The following GOLPH3 variants were observed in gnomAD, a reference collection of about 807,000 sequenced individuals.
GOLPH3 encodes the protein coat protein GPP34.
GOLPH3 carries 14 observed loss-of-function variants against 28.5 expected under a neutral mutation model. The ratio of observed to expected loss-of-function variants is 0.49; its 90% CI spans 0.32 to 0.77. GOLPH3 has a LOEUF of 0.77. GOLPH3 is among the 30% of genes least tolerant of loss of function. The pLI, the probability that GOLPH3 is intolerant of heterozygous loss-of-function variation, is 0.03. For synonymous variants in GOLPH3, 158 were observed against 159.2 expected (o/e 0.99, Z 0.06); for missense variants, 350 against 393.7 (o/e 0.89, Z 0.94).
At chr5:32,151,257 T>A (rs1017537666) in intron 1 of GOLPH3, among the ~76,000 whole-genome samples, 1 of 151,336 alleles carries the variant, frequency 6.6e-6, no homozygotes, top group Non-Finnish European at 1.5e-5. Flanking sequence ...CCAGGCACAG[T>A]GGCTTACACC....
At chr5:32,136,047 C>T (rs758606728) in intron 2 of GOLPH3, among the ~76,000 whole-genome samples, 7 of 152,008 alleles carry the variant, frequency 4.6e-5, no homozygotes, top group Non-Finnish European at 8.8e-5. Context: ...TGGTGGTGCA[C>T]GCCTGTAATC....
rs1161298677 is a variant in GOLPH3, at chr5:32,143,136, G to C, written c.357+613C>G. 2.6e-5 allele frequency among the ~76,000 whole-genome samples: 4 copies of C among 152,238 alleles called. No individual in the cohort carries two copies. In the East Asian group the frequency reaches 7.7e-4, roughly 29 times the overall value. On this transcript the variant is annotated intron_variant, in intron 2 of 3. Transcript: ENST00000265070. ...AATTCTTCTGCCTTGGGATCCTGTT[G>C]ATCGGTGACCTTAAACCCAACCCTG... is the stretch of plus-strand genomic sequence containing the variant.
chr5:32,170,645 T>C (rs1241306744), intron 1 of GOLPH3, among the ~76,000 whole-genome samples: 1 of 152,102 alleles, frequency 6.6e-6, no homozygotes, highest in East Asian at 1.9e-4. Context: ...GGCTGGTTAT[T>C]AGAGTGTAAA....
chr5:32,148,593 C>A (rs558603472), intron 1 of GOLPH3, among the ~76,000 whole-genome samples: 1 of 152,080 alleles, frequency 6.6e-6, no homozygotes, highest in Non-Finnish European at 1.5e-5. Flanking sequence ...GTCAGGAGAT[C>A]GAGACCATCC....
At position 32,126,193 on chromosome 5, in the gene GOLPH3, T is replaced by A. The variant is rs769789538; in HGVS notation, c.*19A>T. 1.3e-6 allele frequency: 2 copies of A among 1,587,070 alleles called. No homozygotes were observed. The highest frequency in any genetic ancestry group is 1.7e-6 in the Non-Finnish European group (2 of 1,164,118). On this transcript the variant is annotated 3_prime_UTR_variant, in exon 4 of 4. Coordinates refer to ENST00000265070, the MANE Select transcript of GOLPH3 (RefSeq NM_022130.4). ...CTGGTTTACTTGAGAGAAAGGAGAATGGTTCACCCCGAGCAGAGTTACTTG... is the reference window on the plus strand; with the variant it reads ...CTGGTTTACTTGAGAGAAAGGAGAAAGGTTCACCCCGAGCAGAGTTACTTG...
intron 3 of GOLPH3, among the ~76,000 whole-genome samples, chr5:32,127,020 A>T (rs928108940): frequency 9.9e-5 from 15 of 152,244 alleles, no homozygotes; most frequent in Admixed American, 5.2e-4. Flanking sequence ...AGACTAAAAA[A>T]AAAAGCTTCC....
intron 1 of GOLPH3, among the ~76,000 whole-genome samples, chr5:32,168,767 A>G (rs920638815): frequency 6.6e-6 from 1 of 152,162 alleles, no homozygotes; most frequent in African/African-American, 2.4e-5. Flanking sequence ...ATGATTGGAC[A>G]AGTCTGGCTG....
chr5:32,126,530 G>C lies in GOLPH3; in HGVS notation c.579C>G (p.Asn193Lys). 6.2e-7 allele frequency: 1 copy of C among 1,614,064 alleles called. No individual in the cohort carries two copies. Among genetic ancestry groups the C allele is most frequent in the East Asian group, 2.2e-5 (1 of 44,880 alleles). Residue 193 changes from asparagine (N) to lysine (K), a missense_variant, in exon 4 of 4, where the codon AAC (asparagine) becomes AAG (lysine). Coordinates refer to ENST00000265070, the MANE Select transcript of GOLPH3 (RefSeq NM_022130.4). ...EKGVLTTEKQ[N>K]FLLFDMTTHP... ...GTGTTGTCATGTCAAAAAGTAGGAA[G>C]TTCTGTTTCTCTGTTGTCAATACAC...
At chr5:32,131,167 C>T (rs1477734359) in intron 3 of GOLPH3, among the ~76,000 whole-genome samples, 1 of 152,154 alleles carries the variant, frequency 6.6e-6, no homozygotes, top group Non-Finnish European at 1.5e-5. Context: ...CAGATCTCCT[C>T]AAGTATTAGA....
Position 32,125,080 on chromosome 5 carries a change from T to C in GOLPH3, c.*1132A>G, listed in dbSNP as rs1198617550. 6.5e-6 allele frequency: 1 copy of C among 152,688 alleles called. No homozygotes were observed. Among genetic ancestry groups the C allele is most frequent in the Non-Finnish European group, 1.5e-5 (1 of 68,042 alleles). The allele number at this position is 152,688 out of a possible 1,614,324, so 9.5% of individuals were successfully genotyped here. ...TAAAAAATTAAAACATAGAGCTTTC[T>C]GTTACAAAATTCTTAATCCTCTGGG... On this transcript the variant is annotated 3_prime_UTR_variant, in exon 4 of 4. Transcript: ENST00000265070.
chr5:32,159,427 G>A (rs1746526696), intron 1 of GOLPH3, among the ~76,000 whole-genome samples: 1 of 152,174 alleles, frequency 6.6e-6, no homozygotes, highest in South Asian at 2.1e-4. Context: ...CACTGAAAAG[G>A]TTTCAAATTT....
chr5:32,138,875 G>A (rs1242824101), intron 2 of GOLPH3, among the ~76,000 whole-genome samples: 1 of 152,222 alleles, frequency 6.6e-6, no homozygotes, highest in African/African-American at 2.4e-5. Context: ...TCAGTGAAGG[G>A]TGAGAGAGCA....
Position 32,173,887 on chromosome 5 carries a change from C to A in GOLPH3, c.148G>T (p.Asp50Tyr). 6.6e-7 allele frequency: 1 copy of A among 1,524,202 alleles called. No homozygotes were observed. 94.4% of individuals were successfully genotyped at this position (1,524,202 alleles called of 1,614,324 possible). Reference protein sequence around the residue: ...AQSRRDEQDDDDKGDSKETRL... With the variant: ...AQSRRDEQDDYDKGDSKETRL... ...GTTTCCTTGGAGTCGCCCTTGTCGT[C>A]GTCGTCCTGCTCGTCGCGGCGGCTC... Residue 50 changes from aspartate to tyrosine, a missense_variant, in exon 1 of 4, where the codon GAC (aspartate) becomes TAC (tyrosine). By Grantham distance (160) the Asp-to-Tyr change is radical (BLOSUM62 -3). Coordinates refer to ENST00000265070, the MANE Select transcript of GOLPH3 (RefSeq NM_022130.4).
rs908125983 is a variant in GOLPH3, at chr5:32,126,318, G to A, written c.791C>T (p.Ala264Val). ...APLLDEQYDL[A>V]TKRVRQLLDL... ...GAGAAGCTGCCGCACTCTCTTGGTA[G>A]CCAAATCATACTGCTCGTCCAGAAG... The change falls in exon 4 of 4, where the codon GCT (alanine) becomes GTT (valine). Residue 264 changes from alanine to valine, a missense_variant. Physicochemically the swap from Ala to Val is moderately conservative, Grantham distance 64. Transcript: ENST00000265070. The A allele has an allele frequency of 5.0e-6, 8 of 1,614,032 alleles. No homozygotes were observed. The highest frequency in any genetic ancestry group is 6.8e-6 in the Non-Finnish European group (8 of 1,180,040).
At chr5:32,127,197 GAAATATTTA>G (rs969681081) in intron 3 of GOLPH3, among the ~76,000 whole-genome samples, 3 of 152,144 alleles carry the variant, frequency 2.0e-5, no homozygotes, top group Non-Finnish European at 4.4e-5. Flanking sequence ...TTTTGAGAGA[GAAATATTTA>G]AAATAAAACC....
intron 1 of GOLPH3, among the ~76,000 whole-genome samples, chr5:32,159,913 T>C (rs114556254): frequency 0.013 from 2,044 of 152,320 alleles, 20 homozygotes; most frequent in Non-Finnish European, 0.021. Flanking sequence ...ATACTGTGGG[T>C]AAGTATTTTA....
intron 1 of GOLPH3, among the ~76,000 whole-genome samples, chr5:32,156,660 C>T (rs1005626924): frequency 7.9e-5 from 12 of 152,202 alleles, no homozygotes; most frequent in African/African-American, 2.9e-4. Context: ...ACCTCAGATC[C>T]TATCGGGCAT....
chr5:32,148,529 G>A lies in GOLPH3; in HGVS notation c.226-4649C>T, dbSNP rs560358641. The stretch of plus-strand genomic sequence containing the variant: ...GAAATATAGGCCAGGTCCACATGGT[G>A]GCTCACGCCTGTAATCCCAGCACTT... On this transcript the variant is annotated intron_variant, in intron 1 of 3. Coordinates refer to ENST00000265070, the MANE Select transcript of GOLPH3 (RefSeq NM_022130.4). 3.3e-5 allele frequency among the ~76,000 whole-genome samples: 5 copies of A among 152,352 alleles called. No individual in the cohort carries two copies. In the South Asian group the frequency reaches 6.2e-4, roughly 19 times the overall value.
intron 2 of GOLPH3, among the ~76,000 whole-genome samples, chr5:32,140,096 C>T (rs1418464401): frequency 3.3e-5 from 5 of 151,490 alleles, no homozygotes; most frequent in Non-Finnish European, 7.4e-5. Flanking sequence ...AAAATTAATG[C>T]ATAATGAATT....
Sources: gnomAD v4.1 joint callset for allele counts (sites outside exome capture counted in the v4.1 genomes callset) on GRCh38, gnomAD v4.1.1 for gene constraint, MANE v1.5 for transcripts, NCBI Gene and HGNC (gene_info 2026-07-23, HGNC 2026-07-21) for gene names.